Variants in IPO11 observed in about 807,000 individuals in gnomAD.
The protein encoded by IPO11 is importin 11.
Under a neutral mutation model 143.2 loss-of-function variants are expected in IPO11, and 66 were observed. That is an observed-to-expected ratio of 0.46 (90% confidence interval 0.38 to 0.57). The LOEUF is 0.57. Ranked by LOEUF, IPO11 falls within the 20% of genes least tolerant of loss-of-function variation. IPO11 has a pLI of 0.00. For missense variants in IPO11, 1,026 were observed against 1,141.0 expected (o/e 0.90, Z 1.45); for synonymous variants, 385 against 377.8 (o/e 1.02, Z -0.22).
chr5:62,598,466 C>T (rs1236639585), intron 28 of IPO11, among the ~76,000 whole-genome samples: 3 of 3,820 alleles, frequency 7.9e-4, no homozygotes, highest in Non-Finnish European at 1.3e-3. Context: ...CTCTCTCTCT[C>T]TCTCTCTCTC....
chr5:62,618,870 C>T (rs932282188), intron 29 of IPO11, among the ~76,000 whole-genome samples: 1 of 152,076 alleles, frequency 6.6e-6, no homozygotes, highest in Admixed American at 6.6e-5. Flanking sequence ...CTTGCTTGCT[C>T]ATTGCAAGTG....
chr5:62,483,835 G>T (rs1230023753), intron 10 of IPO11, among the ~76,000 whole-genome samples, 175 bp from the exon 11 acceptor site: 2 of 152,150 alleles, frequency 1.3e-5, no homozygotes, highest in East Asian at 3.8e-4. Flanking sequence ...CAAGATTGAT[G>T]TGAGTGTGTT....
chr5:62,617,915 C>A (rs1746201704), intron 29 of IPO11, among the ~76,000 whole-genome samples: 1 of 151,994 alleles, frequency 6.6e-6, no homozygotes, highest in South Asian at 2.1e-4. Context: ...TAAACTGATG[C>A]TAAGGATAGC....
At chr5:62,505,373 A>G (rs77150443) in intron 18 of IPO11, among the ~76,000 whole-genome samples, 7,939 of 152,126 alleles carry the variant, frequency 0.052, 240 homozygotes, top group South Asian at 0.083. Context: ...TTTTGCCATA[A>G]CTGGTACTCA....
intron 1 of IPO11, among the ~76,000 whole-genome samples, chr5:62,435,324 G>C (rs1028727260): frequency 1.3e-5 from 2 of 150,528 alleles, no homozygotes; most frequent in East Asian, 3.9e-4. Flanking sequence ...AATTAGGCCA[G>C]ATGCCATGGC....
At chr5:62,613,909 G>A (rs946368752) in intron 29 of IPO11, among the ~76,000 whole-genome samples, 3 of 152,108 alleles carry the variant, frequency 2.0e-5, no homozygotes, top group Non-Finnish European at 4.4e-5. Context: ...TCCAGCCCCC[G>A]AAGGGCCTGA....
intron 20 of IPO11, among the ~76,000 whole-genome samples, chr5:62,521,564 C>T (rs1742201749): frequency 6.6e-6 from 1 of 152,084 alleles, no homozygotes; most frequent in Non-Finnish European, 1.5e-5. Context: ...CTGTTCTGGA[C>T]ACTTGGTGGA....
At chr5:62,542,077 A>AT (rs1433670912) in intron 24 of IPO11, among the ~76,000 whole-genome samples, 1 of 151,268 alleles carries the variant, frequency 6.6e-6, no homozygotes, top group Non-Finnish European at 1.5e-5. Context: ...TATTTTTTTT[A>AT]TTTTTTTATT....
chr5:62,623,820 A>G, intron 29 of IPO11, among the ~76,000 whole-genome samples: 1 of 151,456 alleles, frequency 6.6e-6, no homozygotes, highest in East Asian at 1.9e-4. Context: ...GTTTCATTGT[A>G]TCATGTTGGC....
chr5:62,558,828 C>T (rs1743666215), intron 26 of IPO11, among the ~76,000 whole-genome samples: 1 of 151,922 alleles, frequency 6.6e-6, no homozygotes, highest in African/African-American at 2.4e-5. Flanking sequence ...TGTTTCCGAC[C>T]TCTTAGAAAA....
At chr5:62,586,768 A>AATATATATATAT (rs56808416) in intron 27 of IPO11, among the ~76,000 whole-genome samples, 14 of 28,908 alleles carry the variant, frequency 4.8e-4, no homozygotes, top group African/African-American at 1.1e-3. Flanking sequence ...AAAAAAAAAA[A>AATATATATATAT]ATATATATAT....
At chr5:62,617,197 TC>T (rs1746173858) in intron 29 of IPO11, among the ~76,000 whole-genome samples, 1 of 152,174 alleles carries the variant, frequency 6.6e-6, no homozygotes. Flanking sequence ...GATTTCTCAG[TC>T]CCTGTAATAA....
rs995019567 is a variant in IPO11, at chr5:62,441,496, C to CTT, written c.139-1454_139-1453dup. 7.3e-3 allele frequency among the ~76,000 whole-genome samples: 345 copies of CTT among 47,380 alleles called. 35 individuals are homozygous for CTT. Among genetic ancestry groups the CTT allele is most frequent in the East Asian group, 0.01 (12 of 1,172 alleles). 31.1% of individuals were successfully genotyped at this position (47,380 alleles called of 152,430 possible). ...ACAGGCATGAGCCACTGTGCCTGGC[C>CTT]TTTTTTTTTTTTTTTTTTTTTTTTT... On this transcript the variant is annotated intron_variant, in intron 2 of 29. Coordinates refer to ENST00000325324, the MANE Select transcript of IPO11 (RefSeq NM_016338.5).
At chr5:62,487,048 T>G (rs987551172) in intron 12 of IPO11, among the ~76,000 whole-genome samples, 1 of 152,124 alleles carries the variant, frequency 6.6e-6, no homozygotes, top group African/African-American at 2.4e-5. Flanking sequence ...TTTAAAAAAT[T>G]TTTTGTGGGT....
At chr5:62,477,410 G>A (rs1313433132) in intron 9 of IPO11, among the ~76,000 whole-genome samples, 1 of 152,250 alleles carries the variant, frequency 6.6e-6, no homozygotes, top group South Asian at 2.1e-4. Flanking sequence ...ATAGGGTAGG[G>A]GTTGCTTATT....
At chr5:62,459,274 A>G (rs1376851342) in intron 5 of IPO11, among the ~76,000 whole-genome samples, 1 of 152,176 alleles carries the variant, frequency 6.6e-6, no homozygotes, top group Non-Finnish European at 1.5e-5. Flanking sequence ...CAGGTTTGAA[A>G]ACAAAATGAA....
In IPO11 at chr5:62,461,856, A is replaced by G. The variant is rs75959648; in HGVS notation, c.517-5275A>G. On this transcript the variant is annotated intron_variant, in intron 5 of 29. Transcript: ENST00000325324. Reference sequence around the variant, plus strand: ...TCAGATTTTGTAATATTTACATTATACTTACGTTGAACATCTCAAATGTGA... The same window carrying G: ...TCAGATTTTGTAATATTTACATTATGCTTACGTTGAACATCTCAAATGTGA... 7.3e-3 allele frequency among the ~76,000 whole-genome samples: 1,105 copies of G among 152,310 alleles called. 14 individuals are homozygous for G. The highest frequency in any genetic ancestry group is 0.025 in the African/African-American group (1,040 of 41,572).
At chr5:62,625,084 G>T (rs1746517670) in intron 29 of IPO11, among the ~76,000 whole-genome samples, 1 of 151,774 alleles carries the variant, frequency 6.6e-6, no homozygotes, top group Non-Finnish European at 1.5e-5. Context: ...GGGCATATAG[G>T]CTTAAAAAGT....
chr5:62,619,642 A>G lies in IPO11; in HGVS notation c.2764-7512A>G, dbSNP rs374306807. 9.9e-5 allele frequency among the ~76,000 whole-genome samples: 15 copies of G among 152,210 alleles called. No individual in the cohort carries two copies. In the East Asian group the frequency reaches 2.5e-3, roughly 26 times the overall value. On this transcript the variant is annotated intron_variant, in intron 29 of 29. Coordinates refer to ENST00000325324, the MANE Select transcript of IPO11 (RefSeq NM_016338.5). ...GCCGAGGCAGGCGGATCACGAGGTC[A>G]GGAGCTCAAGACCATCCTGGTTAAC...
Sources: allele counts gnomAD v4.1 joint callset (sites outside exome capture counted in the v4.1 genomes callset), GRCh38; gene constraint gnomAD v4.1.1; transcripts MANE v1.5; gene names NCBI Gene and HGNC (gene_info 2026-07-23, HGNC 2026-07-21).